The following DMD variants were observed in gnomAD, a reference collection of about 807,000 sequenced individuals.
The protein encoded by DMD is dystrophin.
Under a neutral mutation model 330.1 loss-of-function variants are expected in DMD, and 63 were observed. The ratio of observed to expected loss-of-function variants is 0.19; its 90% CI spans 0.16 to 0.24. The LOEUF is 0.24. DMD is among the 10% of genes least tolerant of loss of function. DMD has a pLI of 1.00. For synonymous variants in DMD, 1,223 were observed against 959.8 expected (o/e 1.27, Z -5.07); for missense variants, 3,344 against 2,684.1 (o/e 1.25, Z -5.43).
At chrX:31,321,583 CAAAAAAAAAAAAAAAAA>C (rs1190446358) in intron 62 of DMD, among the ~76,000 whole-genome samples, 1 of 10,472 alleles carries the variant, frequency 9.5e-5, no homozygotes, top group African/African-American at 5.0e-4. Flanking sequence ...AACTCCATCT[CAAAAAAAAAAAAAAAAA>C]AAAAAAAAAA....
intron 59 of DMD, among the ~76,000 whole-genome samples, chrX:31,451,975 T>C: frequency 9.0e-6 from 1 of 110,855 alleles, no homozygotes. Context: ...AACTTTCATA[T>C]TTGGGCATGA....
intron 63 of DMD, among the ~76,000 whole-genome samples, chrX:31,249,298 G>A (rs901088468): frequency 4.5e-5 from 5 of 111,406 alleles, no homozygotes; most frequent in Non-Finnish European, 9.4e-5. Flanking sequence ...CTGAAGTGCA[G>A]TGGTGCGATC....
intron 29 of DMD, among the ~76,000 whole-genome samples, chrX:32,415,630 G>A (rs2098163437): frequency 8.9e-6 from 1 of 112,050 alleles, no homozygotes; most frequent in South Asian, 3.6e-4. Flanking sequence ...ATACTGTTCC[G>A]CTGTTGTTTT....
In DMD at chrX:31,120,865, G is replaced by GTATC. The variant is rs1339281328; in HGVS notation, c.*1050_*1053dup. The GTATC allele has an allele frequency of 4.4e-5, 4 of 91,294 alleles. No individual in the cohort carries two copies. Among genetic ancestry groups the GTATC allele is most frequent in the Admixed American group, 1.1e-4 (1 of 9,336 alleles). 7.5% of individuals were successfully genotyped at this position (91,294 alleles called of 1,213,427 possible). ...CATTGCTAGCAGCAGGAAGCTGAAT[G>GTATC]TATCAATCAATCAATCAATCAACCA... On this transcript the variant is annotated 3_prime_UTR_variant, in exon 79 of 79. Transcript: ENST00000357033.
chrX:31,958,967 C>G (rs867650769), intron 45 of DMD, among the ~76,000 whole-genome samples: 1 of 111,422 alleles, frequency 9.0e-6, no homozygotes, highest in African/African-American at 3.3e-5. Context: ...TGACTAACAG[C>G]CTTCCATGCA....
chrX:32,989,741 A>G (rs2092930082), intron 2 of DMD, among the ~76,000 whole-genome samples: 1 of 111,393 alleles, frequency 9.0e-6, no homozygotes, highest in Non-Finnish European at 1.9e-5. Context: ...TTTTCTACTT[A>G]AATTTTTGCC....
At chrX:32,983,472 A>G (rs1428898242) in intron 2 of DMD, among the ~76,000 whole-genome samples, 1 of 106,185 alleles carries the variant, frequency 9.4e-6, no homozygotes, top group Non-Finnish European at 1.9e-5. Context: ...GGGGGATTGG[A>G]GGTGATATCC....
chrX:31,444,803 A>T (rs1015455517), intron 59 of DMD, among the ~76,000 whole-genome samples, 176 bp from the exon 60 acceptor site: 1 of 111,611 alleles, frequency 9.0e-6, no homozygotes, highest in Non-Finnish European at 1.9e-5. Flanking sequence ...AATAAAAAGG[A>T]AACGAAATCA....
At chrX:32,726,269 T>A (rs1330586282) in intron 7 of DMD, among the ~76,000 whole-genome samples, 1 of 111,298 alleles carries the variant, frequency 9.0e-6, no homozygotes, top group South Asian at 3.7e-4. Flanking sequence ...ACAATGTAGC[T>A]TATCAATGTC....
In DMD at chrX:31,563,209, C is replaced by T. The variant is rs7882499; in HGVS notation, c.8218-55756G>A. ...CCTCCCAAGTAGCTGGGACTACAGG[C>T]GCCCACCACCACGCCCAGCTAATTT... On this transcript the variant is annotated intron_variant, in intron 55 of 78. Coordinates refer to ENST00000357033, the MANE Select transcript of DMD (RefSeq NM_004006.3). Among the ~76,000 whole-genome samples, 401 of 111,147 alleles carry T rather than the reference C, an allele frequency of 3.6e-3. 3 individuals are homozygous for T. The highest frequency in any genetic ancestry group is 0.012 in the African/African-American group (377 of 30,521).
intron 39 of DMD, among the ~76,000 whole-genome samples, chrX:32,345,445 A>G (rs998823317): frequency 9.0e-6 from 1 of 111,384 alleles, no homozygotes; most frequent in African/African-American, 3.3e-5. Flanking sequence ...GACTTTGTAG[A>G]TAGTTGCAAA....
intron 11 of DMD, among the ~76,000 whole-genome samples, chrX:32,630,128 T>C (rs1388964046): frequency 1.8e-5 from 2 of 112,071 alleles, no homozygotes; most frequent in African/African-American, 6.5e-5. Context: ...TTGGTGTTAA[T>C]GAAATCTGTC....
intron 44 of DMD, among the ~76,000 whole-genome samples, chrX:32,186,096 C>A (rs933356872): frequency 8.2e-5 from 9 of 110,392 alleles, no homozygotes; most frequent in Non-Finnish European, 1.5e-4. Flanking sequence ...TTGAGCTAAC[C>A]CAAGAAAGAA....
intron 7 of DMD, among the ~76,000 whole-genome samples, chrX:32,757,569 G>A (rs2748317): frequency 0.32 from 34,678 of 109,373 alleles, 4,378 homozygotes; most frequent in African/African-American, 0.44. Context: ...TGCTGTTCTC[G>A]TGATAGTGAA....
chrX:31,871,251 G>C (rs1055129580), intron 48 of DMD, among the ~76,000 whole-genome samples: 8 of 111,164 alleles, frequency 7.2e-5, no homozygotes, highest in African/African-American at 2.6e-4. Flanking sequence ...TAAGGGTTCT[G>C]TGAGGTGATT....
At chrX:32,483,040 C>CT (rs1200753428) in intron 21 of DMD, among the ~76,000 whole-genome samples, 14 of 105,512 alleles carry the variant, frequency 1.3e-4, no homozygotes, top group Non-Finnish European at 2.2e-4. Flanking sequence ...GATTTACTCC[C>CT]TGGTGCCAGT....
At chrX:31,431,722 C>T (rs2064098079) in intron 60 of DMD, among the ~76,000 whole-genome samples, 1 of 111,776 alleles carries the variant, frequency 8.9e-6, no homozygotes, top group Non-Finnish European at 1.9e-5. Flanking sequence ...AAACTAGAAG[C>T]CTGTTCAATT....
intron 1 of DMD, among the ~76,000 whole-genome samples, chrX:33,068,595 C>T (rs747511780): frequency 8.9e-6 from 1 of 112,266 alleles, no homozygotes; most frequent in East Asian, 2.8e-4. Context: ...GCTTATGTTT[C>T]CGTGTGAGTT....
intron 1 of DMD, among the ~76,000 whole-genome samples, chrX:33,075,656 G>T (rs2094828904): frequency 8.9e-6 from 1 of 112,134 alleles, no homozygotes; most frequent in African/African-American, 3.2e-5. Flanking sequence ...AGATGTTTTG[G>T]CATTGAAGCT....
Sources: allele counts gnomAD v4.1 joint callset (sites outside exome capture counted in the v4.1 genomes callset), GRCh38; gene constraint gnomAD v4.1.1; transcripts MANE v1.5; gene names NCBI Gene and HGNC (gene_info 2026-07-23, HGNC 2026-07-21).